Variants in KCND2 observed in about 807,000 individuals in gnomAD.
KCND2 encodes the protein potassium voltage-gated channel subfamily D member 2, also known as A-type voltage-gated potassium channel KCND2.
A neutral mutation model predicts 54.4 loss-of-function variants in KCND2; 16 were observed. The observed-to-expected ratio is 0.29, with a 90% CI of 0.20 to 0.45. The LOEUF is 0.45. KCND2 is among the 20% of genes least tolerant of loss of function. The probability of loss-of-function intolerance (pLI) is 1.00; values close to 1 mark genes in which losing one functional copy is unlikely to be tolerated. For missense variants in KCND2, 486 were observed against 824.2 expected, an observed-to-expected ratio of 0.59 and a Z score of 5.02; for synonymous variants, 317 against 310.7, an observed-to-expected ratio of 1.02 and a Z score of -0.21.
At chr7:120,629,468 A>G (rs569854884) in intron 1 of KCND2, among the ~76,000 whole-genome samples, 5 of 152,128 alleles carry the variant, frequency 3.3e-5, no homozygotes, top group African/African-American at 4.8e-5. Context: ...CCTGGGCGAC[A>G]GAGCGAGACT....
intron 1 of KCND2, among the ~76,000 whole-genome samples, chr7:120,583,392 G>A (rs1053046343): frequency 6.6e-6 from 1 of 152,086 alleles, no homozygotes; most frequent in African/African-American, 2.4e-5. Context: ...ACAACAAATT[G>A]TTGATTTGGA....
chr7:120,598,235 G>T (rs940567154), intron 1 of KCND2, among the ~76,000 whole-genome samples: 4 of 151,996 alleles, frequency 2.6e-5, no homozygotes, highest in African/African-American at 9.7e-5. Context: ...TAAAAAATCG[G>T]TAGCATCAGT....
chr7:120,404,665 C>G (rs1801322935), intron 1 of KCND2, among the ~76,000 whole-genome samples: 1 of 152,078 alleles, frequency 6.6e-6, no homozygotes, highest in South Asian at 2.1e-4. Context: ...CCAGCTTTGC[C>G]AGTAATAACC....
At chr7:120,317,186 A>T (rs999135926) in intron 1 of KCND2, among the ~76,000 whole-genome samples, 4 of 152,170 alleles carry the variant, frequency 2.6e-5, no homozygotes, top group African/African-American at 9.7e-5. Context: ...ACTTTATTGA[A>T]CAGAAGTATT....
At chr7:120,654,904 A>G (rs1452583164) in intron 1 of KCND2, among the ~76,000 whole-genome samples, 1 of 152,104 alleles carries the variant, frequency 6.6e-6, no homozygotes, top group African/African-American at 2.4e-5. Context: ...ACAAGAAATG[A>G]TCACAATGGT....
intron 1 of KCND2, among the ~76,000 whole-genome samples, chr7:120,303,964 T>C (rs756553941): frequency 2.4e-4 from 37 of 152,300 alleles, no homozygotes; most frequent in Non-Finnish European, 4.9e-4. Flanking sequence ...CAATTACTGT[T>C]GTTATTAATT....
intron 1 of KCND2, among the ~76,000 whole-genome samples, chr7:120,284,292 C>A (rs1799307171): frequency 6.6e-6 from 1 of 151,938 alleles, no homozygotes. Flanking sequence ...CACACATGCA[C>A]ACGCACACAC....
intron 1 of KCND2, among the ~76,000 whole-genome samples, chr7:120,469,189 G>A (rs947582109): frequency 2.6e-5 from 4 of 152,072 alleles, no homozygotes; most frequent in African/African-American, 9.7e-5. Flanking sequence ...TCACAAAACA[G>A]ATGAATTGGA....
In KCND2 at chr7:120,323,136, C is replaced by T. The variant is rs888983013; in HGVS notation, c.1115+47389C>T. The stretch of plus-strand genomic sequence containing the variant: ...TGCATTAGGTATTTGCCCTAATACT[C>T]TCCCTTTCCTTACCTCCCACCCCCG... On this transcript the variant is annotated intron_variant, in intron 1 of 5. Coordinates refer to ENST00000331113, the MANE Select transcript of KCND2 (RefSeq NM_012281.3). Among the ~76,000 whole-genome samples, 6 of 152,022 alleles carry T rather than the reference C, an allele frequency of 3.9e-5. No individual in the cohort carries two copies. In the East Asian group the frequency reaches 1.2e-3, roughly 29 times the overall value.
Position 120,388,768 on chromosome 7 carries a change from A to G in KCND2, c.1115+113021A>G, listed in dbSNP as rs999990590. ...TGGACTGAGTGGTACATTTTTGTTGATAATCTCAAATAAATTAATATAATC... is the reference window on the plus strand; with the variant it reads ...TGGACTGAGTGGTACATTTTTGTTGGTAATCTCAAATAAATTAATATAATC... On this transcript the variant is annotated intron_variant, in intron 1 of 5. Transcript: ENST00000331113. Among the ~76,000 whole-genome samples, 8 of 151,952 alleles carry G rather than the reference A, an allele frequency of 5.3e-5. No individual in the cohort carries two copies. In the South Asian group the frequency reaches 1.7e-3, roughly 32 times the overall value.
At chr7:120,304,741 C>T (rs1330831775) in intron 1 of KCND2, among the ~76,000 whole-genome samples, 1 of 152,072 alleles carries the variant, frequency 6.6e-6, no homozygotes, top group Non-Finnish European at 1.5e-5. Flanking sequence ...CCTTTCTGTT[C>T]CTCCTTTCTT....
chr7:120,375,072 CAT>C (rs1800818054), intron 1 of KCND2, among the ~76,000 whole-genome samples: 1 of 151,818 alleles, frequency 6.6e-6, no homozygotes, highest in Non-Finnish European at 1.5e-5. Flanking sequence ...ATGCCAGGAA[CAT>C]ATTAGGTACA....
chr7:120,557,832 A>C (rs1792183397), intron 1 of KCND2, among the ~76,000 whole-genome samples: 2 of 152,142 alleles, frequency 1.3e-5, no homozygotes, highest in Admixed American at 6.6e-5. Context: ...TTTAATGTCA[A>C]CATCCAGTGT....
intron 1 of KCND2, among the ~76,000 whole-genome samples, chr7:120,613,488 G>A (rs553211082): frequency 6.6e-5 from 10 of 152,140 alleles, no homozygotes; most frequent in Non-Finnish European, 1.0e-4. Context: ...CCGAGATTGC[G>A]CCACTGCTCT....
At chr7:120,714,322 T>A (rs888774431) in intron 1 of KCND2, among the ~76,000 whole-genome samples, 1 of 149,784 alleles carries the variant, frequency 6.7e-6, no homozygotes, top group East Asian at 2.0e-4. Context: ...CAAAAAAAAA[T>A]AAATTACTGC....
intron 1 of KCND2, among the ~76,000 whole-genome samples, chr7:120,619,294 G>A (rs1314538768): frequency 6.6e-6 from 1 of 152,148 alleles, no homozygotes; most frequent in Non-Finnish European, 1.5e-5. Flanking sequence ...GCGGGACATG[G>A]TAGCATGCAT....
At chr7:120,414,164 A>ATTTTGAGAATGGTATAATGTCAC (rs1801492989) in intron 1 of KCND2, among the ~76,000 whole-genome samples, 1 of 152,072 alleles carries the variant, frequency 6.6e-6, no homozygotes, top group Non-Finnish European at 1.5e-5. Flanking sequence ...TAAGTGTGCC[A>ATTTTGAGAATGGTATAATGTCAC]TGCTTTAAAA....
intron 1 of KCND2, among the ~76,000 whole-genome samples, chr7:120,522,688 A>G (rs1037219077): frequency 2.0e-5 from 3 of 152,178 alleles, no homozygotes; most frequent in Non-Finnish European, 4.4e-5. Flanking sequence ...TGTAAATAAA[A>G]GTCACGAATA....
intron 1 of KCND2, among the ~76,000 whole-genome samples, chr7:120,588,932 C>G (rs1792635154): frequency 6.6e-6 from 1 of 152,154 alleles, no homozygotes; most frequent in South Asian, 2.1e-4. Context: ...AACATCATCT[C>G]TTGTGCTAGG....
Sources: allele counts gnomAD v4.1 joint callset (sites outside exome capture counted in the v4.1 genomes callset), GRCh38; gene constraint gnomAD v4.1.1; transcripts MANE v1.5; gene names NCBI Gene and HGNC (gene_info 2026-07-23, HGNC 2026-07-21).